Variants in UNC119B observed in about 807,000 individuals in gnomAD.
UNC119B encodes unc-119 lipid binding chaperone B.
UNC119B carries 16 observed loss-of-function variants against 23.4 expected under a neutral mutation model. That is an observed-to-expected ratio of 0.68 (90% CI 0.46 to 1.04). UNC119B has a LOEUF of 1.04. Among genes scored for constraint, UNC119B ranks in the 50% least tolerant of loss-of-function variants. The pLI, the probability that UNC119B is intolerant of heterozygous loss-of-function variation, is 0.00. For synonymous variants in UNC119B, 144 were observed against 145.4 expected, an observed-to-expected ratio of 0.99 and a Z score of 0.07; for missense variants, 350 against 361.3, an observed-to-expected ratio of 0.97 and a Z score of 0.25.
chr12:120,716,592 G>A lies in UNC119B; in HGVS notation c.359-36G>A, dbSNP rs754615617. The A allele has an allele frequency of 3.1e-6, 5 of 1,607,938 alleles. No homozygotes were observed. The African/African-American group carries it at 5.3e-5, about 17-fold the overall frequency. ...ATAGAACTCTTGGATTGAGAATGTC[G>A]AGATGGTGCACTGAAGATTCTGTGT... is the stretch of plus-strand genomic sequence containing the variant. On this transcript the variant is annotated intron_variant, in intron 2 of 4. Transcript: ENST00000344651.
rs1439406318 is a variant in UNC119B, at chr12:120,720,416, T to C, written c.*384T>C. The C allele has an allele frequency of 5.7e-6, 1 of 176,884 alleles. No homozygotes were observed. The highest frequency in any genetic ancestry group is 2.4e-5 in the African/African-American group (1 of 41,918). The allele number at this position is 176,884 out of a possible 1,614,324, so 11.0% of individuals were successfully genotyped here. A position where few individuals can be genotyped will look rare whatever the true frequency, so the allele number is the denominator to read the frequency against. Reference sequence around the variant, plus strand: ...AGGCCCACCAGCAGGTCAGCAGCTCTTAAGGTTCCTGGGTGCTGTGGGAAG... The same window carrying C: ...AGGCCCACCAGCAGGTCAGCAGCTCCTAAGGTTCCTGGGTGCTGTGGGAAG... On this transcript the variant is annotated 3_prime_UTR_variant, in exon 5 of 5. Transcript: ENST00000344651.
At chr12:120,717,387 A>C (rs1882805274) in intron 4 of UNC119B, among the ~76,000 whole-genome samples, 1 of 151,750 alleles carries the variant, frequency 6.6e-6, no homozygotes, top group Non-Finnish European at 1.5e-5. Context: ...CTCCTGCCTC[A>C]GCCTCCTGAG....
rs1183369999 is a variant in UNC119B, at chr12:120,713,209, GAATT to G, written c.245-62_245-59del. ...AATCTGAGTTTGCTTCAAAACTTGA[GAATT>G]AAATAAATGGTAGTTTTGGAGGATT... is the stretch of plus-strand genomic sequence containing the variant. On this transcript the variant is annotated intron_variant, in intron 1 of 4. Transcript: ENST00000344651. The G allele has an allele frequency of 8.2e-6, 11 of 1,336,144 alleles. No homozygotes were observed. The East Asian group carries it at 2.3e-4, about 28-fold the overall frequency. The allele number at this position is 1,336,144 out of a possible 1,614,324, so 82.8% of individuals were successfully genotyped here. A position where few individuals can be genotyped will look rare whatever the true frequency, so the allele number is the denominator to read the frequency against.
At chr12:120,717,570 C>CT (rs1207860746) in intron 4 of UNC119B, among the ~76,000 whole-genome samples, 47 of 135,138 alleles carry the variant, frequency 3.5e-4, no homozygotes, top group Middle Eastern at 9.5e-3. Context: ...TTGTTTTTTT[C>CT]TTTTTTTTTT....
Position 120,723,010 on chromosome 12 carries a change from A to G in UNC119B, c.*2978A>G, listed in dbSNP as rs939420546. The G allele has an allele frequency of 1.3e-5, 2 of 152,370 alleles. No individual in the cohort carries two copies. Among genetic ancestry groups the G allele is most frequent in the Non-Finnish European group, 2.9e-5 (2 of 68,212 alleles). 9.4% of individuals were successfully genotyped at this position (152,370 alleles called of 1,614,324 possible). ...TTTGTGAAATGGCAGTGATTGGGCA[A>G]TCTTCAGTTTATTTTTTCAGTTGAA... On this transcript the variant is annotated 3_prime_UTR_variant, in exon 5 of 5. Coordinates refer to ENST00000344651, the MANE Select transcript of UNC119B (RefSeq NM_001080533.3).
intron 4 of UNC119B, among the ~76,000 whole-genome samples, chr12:120,719,308 A>G (rs181935203): frequency 8.5e-5 from 13 of 152,344 alleles, no homozygotes; most frequent in East Asian, 7.7e-4. Context: ...GGTCTGGGCA[A>G]TTGCCTGAAC....
intron 1 of UNC119B, chr12:120,710,971 G>C: frequency 9.5e-6 from 3 of 314,882 alleles, no homozygotes; most frequent in Non-Finnish European, 1.7e-5. Flanking sequence ...CGGCCGGTCG[G>C]CTCCCCAGCT....
intron 3 of UNC119B, 57 bp from the exon 4 acceptor site, chr12:120,716,813 G>T: frequency 6.2e-7 from 1 of 1,605,666 alleles, no homozygotes; most frequent in Non-Finnish European, 8.5e-7. Flanking sequence ...TTGGGTTTTG[G>T]GTTGGCTTTA....
chr12:120,719,181 A>G (rs1592928876), intron 4 of UNC119B, among the ~76,000 whole-genome samples: 1 of 152,214 alleles, frequency 6.6e-6, no homozygotes, highest in Admixed American at 6.5e-5. Flanking sequence ...GATCAGAGGT[A>G]GTATTATCTT....
chr12:120,714,080 G>A (rs1266148739), intron 2 of UNC119B, among the ~76,000 whole-genome samples: 6 of 152,118 alleles, frequency 3.9e-5, no homozygotes, highest in Admixed American at 3.9e-4. Flanking sequence ...GAGGTTTAGC[G>A]CCCCCTGGAG....
rs1314548737 is a variant in UNC119B at position 120,719,927 on chromosome 12, A to G, written c.651A>G (p.Leu217=). Residue 217 remains leucine (L), a synonymous_variant, in exon 5 of 5, where the codon CTA becomes CTG. Coordinates refer to ENST00000344651, the MANE Select transcript of UNC119B (RefSeq NM_001080533.3). ...CCTTTGCCTGACTTGCAGTTCGTCT[A>G]ATGATTGAAAATCCTTACGAGACCC... ...FPQLSEDVIR[L]MIENPYETRS... 8 of 1,613,318 alleles carry G rather than the reference A, an allele frequency of 5.0e-6. No homozygotes were observed. The African/African-American group carries it at 5.3e-5, about 11-fold the overall frequency.
intron 2 of UNC119B, among the ~76,000 whole-genome samples, chr12:120,715,733 A>G (rs1882768141): frequency 6.6e-6 from 1 of 152,016 alleles, no homozygotes; most frequent in African/African-American, 2.4e-5. Flanking sequence ...GGGTTTCTCC[A>G]TGTTGGTCAG....
chr12:120,712,947 A>T (rs184591087), intron 1 of UNC119B, among the ~76,000 whole-genome samples: 3 of 152,390 alleles, frequency 2.0e-5, no homozygotes, highest in African/African-American at 7.2e-5. Context: ...GGAATTCTAT[A>T]AAAAGTTCGC....
chr12:120,717,260 T>G (rs1882801675), intron 4 of UNC119B, among the ~76,000 whole-genome samples: 1 of 152,042 alleles, frequency 6.6e-6, no homozygotes, highest in Non-Finnish European at 1.5e-5. Flanking sequence ...GGTTTGTTTG[T>G]TTTTGTTTTT....
intron 2 of UNC119B, among the ~76,000 whole-genome samples, chr12:120,715,583 G>T (rs1354835796): frequency 7.2e-6 from 1 of 138,606 alleles, no homozygotes; most frequent in African/African-American, 2.7e-5. Flanking sequence ...GCCCAGGCTG[G>T]AGTGCAATGG....
At position 120,721,641 on chromosome 12, in the gene UNC119B, A is replaced by G. The variant is rs1370337657; in HGVS notation, c.*1609A>G. On this transcript the variant is annotated 3_prime_UTR_variant, in exon 5 of 5. Coordinates refer to ENST00000344651, the MANE Select transcript of UNC119B (RefSeq NM_001080533.3). Reference sequence around the variant, plus strand: ...CCCAGGCCAGAGTCTTGGCAATGCCACATGCTGGCAGCTTTCTCACTGAGA... The same window carrying G: ...CCCAGGCCAGAGTCTTGGCAATGCCGCATGCTGGCAGCTTTCTCACTGAGA... 6.5e-6 allele frequency: 1 copy of G among 152,804 alleles called. No homozygotes were observed. The highest frequency in any genetic ancestry group is 1.5e-5 in the Non-Finnish European group (1 of 68,154). 9.5% of individuals were successfully genotyped at this position (152,804 alleles called of 1,614,324 possible). A position where few individuals can be genotyped will look rare whatever the true frequency, so the allele number is the denominator to read the frequency against.
chr12:120,715,063 T>C (rs562086618), intron 2 of UNC119B, among the ~76,000 whole-genome samples: 1 of 152,220 alleles, frequency 6.6e-6, no homozygotes, highest in East Asian at 1.9e-4. Flanking sequence ...TGGTGGCACA[T>C]GCCTGTGGTC....
chr12:120,714,193 A>G (rs974679636), intron 2 of UNC119B, among the ~76,000 whole-genome samples: 7 of 152,206 alleles, frequency 4.6e-5, no homozygotes, highest in Non-Finnish European at 1.0e-4. Flanking sequence ...TAGAGCCTGC[A>G]AATTTGATAA....
Position 120,722,938 on chromosome 12 carries a change from A to G in UNC119B, c.*2906A>G, listed in dbSNP as rs1882944000. On this transcript the variant is annotated 3_prime_UTR_variant, in exon 5 of 5. Transcript: ENST00000344651. ...GTCTTTGGGCCATTTGATTTCCAAT[A>G]CATAGGGTGGAAGAATGTGATTTTG... 1 of 152,432 alleles carries G rather than the reference A, an allele frequency of 6.6e-6. No individual in the cohort carries two copies. Among genetic ancestry groups the G allele is most frequent in the African/African-American group, 2.4e-5 (1 of 41,454 alleles). 9.4% of individuals were successfully genotyped at this position (152,432 alleles called of 1,614,324 possible). A position where few individuals can be genotyped will look rare whatever the true frequency, so the allele number is the denominator to read the frequency against.
Sources: allele counts gnomAD v4.1 joint callset (sites outside exome capture counted in the v4.1 genomes callset), GRCh38; gene constraint gnomAD v4.1.1; transcripts MANE v1.5; gene names NCBI Gene and HGNC (gene_info 2026-07-23, HGNC 2026-07-21).